Variants in SGCZ observed in about 807,000 individuals in gnomAD.
SGCZ encodes sarcoglycan zeta.
In SGCZ, 40 loss-of-function variants were observed where a neutral mutation model predicts 41.3. The observed-to-expected ratio is 0.97, with a 90% CI of 0.75 to 1.26. The LOEUF is 1.26. Among genes scored for constraint, SGCZ ranks in the 50% most tolerant of loss-of-function variants. The pLI, the probability that SGCZ is intolerant of heterozygous loss-of-function variation, is 0.00. For synonymous variants in SGCZ, 206 were observed against 137.5 expected (o/e 1.50, Z -3.49); for missense variants, 552 against 369.8 (o/e 1.49, Z -4.04).
intron 1 of SGCZ, among the ~76,000 whole-genome samples, chr8:15,003,834 G>C (rs1049815246): frequency 1.3e-5 from 2 of 152,106 alleles, no homozygotes; most frequent in Non-Finnish European, 2.9e-5. Flanking sequence ...TATCTCGTAA[G>C]TGTTGCTGAT....
chr8:14,819,646 T>A (rs1802014802), intron 1 of SGCZ, among the ~76,000 whole-genome samples: 1 of 152,080 alleles, frequency 6.6e-6, no homozygotes, highest in Non-Finnish European at 1.5e-5. Flanking sequence ...GGATTAAAAA[T>A]GCTCAAAAAC....
intron 1 of SGCZ, among the ~76,000 whole-genome samples, chr8:14,950,401 G>T (rs4831665): frequency 6.6e-6 from 1 of 151,268 alleles, no homozygotes; most frequent in Admixed American, 6.6e-5. Context: ...TTGTTGTTCA[G>T]TCTTCTCCCC....
At chr8:15,165,419 C>T (rs1489595655) in intron 1 of SGCZ, among the ~76,000 whole-genome samples, 5 of 152,078 alleles carry the variant, frequency 3.3e-5, no homozygotes, top group African/African-American at 4.8e-5. Context: ...ATGCAACATG[C>T]GGGTCAGAAG....
chr8:14,473,807 G>A (rs1457092903), intron 2 of SGCZ, among the ~76,000 whole-genome samples: 5 of 151,778 alleles, frequency 3.3e-5, no homozygotes, highest in African/African-American at 2.4e-5. Context: ...GCGTGGTGGC[G>A]GGCACGCGTA....
chr8:14,810,722 G>C (rs1030951063), intron 1 of SGCZ, among the ~76,000 whole-genome samples: 1 of 151,966 alleles, frequency 6.6e-6, no homozygotes, highest in African/African-American at 2.4e-5. Context: ...GCAGTAGCTT[G>C]AAATCAGCTA....
rs1201379874 is a variant in SGCZ at position 14,624,577 on chromosome 8, T to A, written c.40-69651A>T. On this transcript the variant is annotated intron_variant, in intron 1 of 7. Transcript: ENST00000382080. ...ATTATTTTTTTTTTTTTTTTTTTTT[T>A]TTTTTTTTTTTGAGACGGAGTCTCG... Among the ~76,000 whole-genome samples, 1,085 of 134,102 alleles carry A rather than the reference T, an allele frequency of 8.1e-3. 14 individuals carry two copies. The highest frequency in any genetic ancestry group is 0.012 in the Non-Finnish European group (758 of 63,508). The allele number at this position is 134,102 out of a possible 152,430, so 88.0% of individuals were successfully genotyped here. A position where few individuals can be genotyped will look rare whatever the true frequency, so the allele number is the denominator to read the frequency against.
chr8:14,412,547 T>C (rs1323351333), intron 2 of SGCZ, among the ~76,000 whole-genome samples: 2 of 152,112 alleles, frequency 1.3e-5, no homozygotes, highest in Non-Finnish European at 2.9e-5. Context: ...ATAATTCATC[T>C]AGTCATCAGG....
intron 1 of SGCZ, among the ~76,000 whole-genome samples, chr8:15,052,929 C>T (rs891271594): frequency 6.6e-6 from 1 of 152,210 alleles, no homozygotes; most frequent in South Asian, 2.1e-4. Flanking sequence ...CTCTTCTCCA[C>T]ATCACTCCAA....
intron 1 of SGCZ, among the ~76,000 whole-genome samples, chr8:14,642,479 CT>C: frequency 6.6e-6 from 1 of 151,242 alleles, no homozygotes; most frequent in African/African-American, 2.4e-5. Flanking sequence ...AGGTAACTTA[CT>C]ATATGTAAGT....
chr8:15,101,253 A>G (rs1449509531), intron 1 of SGCZ, among the ~76,000 whole-genome samples: 1 of 152,206 alleles, frequency 6.6e-6, no homozygotes, highest in Non-Finnish European at 1.5e-5. Flanking sequence ...TGTAATTAAA[A>G]TTTACAACTT....
chr8:15,193,901 G>T (rs1166065656), intron 1 of SGCZ, among the ~76,000 whole-genome samples: 1 of 151,976 alleles, frequency 6.6e-6, no homozygotes, highest in Non-Finnish European at 1.5e-5. Context: ...ACGAGCAATT[G>T]CCTTCAAATC....
intron 2 of SGCZ, among the ~76,000 whole-genome samples, chr8:14,420,122 G>A (rs764164382): frequency 4.0e-5 from 6 of 151,862 alleles, no homozygotes; most frequent in Non-Finnish European, 8.8e-5. Flanking sequence ...CTGTTAAACT[G>A]CATTGAAGGG....
intron 1 of SGCZ, among the ~76,000 whole-genome samples, chr8:14,875,819 G>T (rs1804337551): frequency 6.6e-6 from 1 of 152,146 alleles, no homozygotes; most frequent in Non-Finnish European, 1.5e-5. Context: ...TTGAATAGAT[G>T]ATTTCACATC....
chr8:14,702,698 A>G (rs1809176824), intron 1 of SGCZ, among the ~76,000 whole-genome samples: 1 of 148,776 alleles, frequency 6.7e-6, no homozygotes, highest in South Asian at 2.1e-4. Flanking sequence ...CTCAAATGCC[A>G]GTTCATATAT....
intron 1 of SGCZ, among the ~76,000 whole-genome samples, chr8:15,142,505 T>C (rs1249537105): frequency 6.6e-6 from 1 of 152,090 alleles, no homozygotes; most frequent in East Asian, 1.9e-4. Flanking sequence ...ACTGGGAGTC[T>C]AGAAACTGGC....
At chr8:14,815,642 G>A (rs893999910) in intron 1 of SGCZ, among the ~76,000 whole-genome samples, 1 of 152,080 alleles carries the variant, frequency 6.6e-6, no homozygotes, top group East Asian at 1.9e-4. Flanking sequence ...ACCTATTCCT[G>A]TTCAAACTAC....
chr8:15,116,914 T>A (rs904323611), intron 1 of SGCZ, among the ~76,000 whole-genome samples: 12 of 152,238 alleles, frequency 7.9e-5, no homozygotes, highest in Admixed American at 2.0e-4. Context: ...TTTAGGGATA[T>A]AAACTGTATA....
At chr8:14,657,064 G>A (rs555797130) in intron 1 of SGCZ, among the ~76,000 whole-genome samples, 20 of 151,964 alleles carry the variant, frequency 1.3e-4, no homozygotes, top group African/African-American at 2.7e-4. Flanking sequence ...ACTATTGTGC[G>A]TCACTCATTT....
chr8:14,737,926 A>G (rs1799093963), intron 1 of SGCZ, among the ~76,000 whole-genome samples: 1 of 152,120 alleles, frequency 6.6e-6, no homozygotes, highest in African/African-American at 2.4e-5. Flanking sequence ...ATTTTATTCT[A>G]TATTAAAAGC....
Sources: gnomAD v4.1 joint callset for allele counts (sites outside exome capture counted in the v4.1 genomes callset) on GRCh38, gnomAD v4.1.1 for gene constraint, MANE v1.5 for transcripts, NCBI Gene and HGNC (gene_info 2026-07-23, HGNC 2026-07-21) for gene names.